Variants in PARP1 observed in about 807,000 individuals in gnomAD.
PARP1 encodes the protein poly [ADP-ribose] polymerase 1.
A neutral mutation model predicts 118.7 loss-of-function variants in PARP1; 44 were observed. The ratio of observed to expected loss-of-function variants is 0.37; its 90% confidence interval spans 0.29 to 0.48. PARP1 has a LOEUF of 0.48. Among genes scored for constraint, PARP1 ranks in the 20% least tolerant of loss-of-function variants. The pLI is 0.99. For missense variants in PARP1, 1,100 were observed against 1,272.4 expected (o/e 0.86, Z 2.06); for synonymous variants, 492 against 483.2 (o/e 1.02, Z -0.24).
intron 2 of PARP1, among the ~76,000 whole-genome samples, chr1:226,396,361 T>G (rs1358802673): frequency 7.3e-6 from 1 of 136,466 alleles, no homozygotes; most frequent in African/African-American, 2.8e-5. Context: ...AATTTTTTTT[T>G]AAAAAAAGAA....
intron 17 of PARP1, chr1:226,366,393 G>A: frequency 2.9e-6 from 1 of 348,288 alleles, no homozygotes; most frequent in Admixed American, 4.0e-5. Flanking sequence ...TCCTGGAAGA[G>A]AGTCCAGCTC....
At chr1:226,366,837 A>G (rs3219130) in intron 17 of PARP1, 1 of 163,334 alleles carries the variant, frequency 6.1e-6, no homozygotes, top group Non-Finnish European at 1.3e-5. Flanking sequence ...CAGACTCAAC[A>G]TACTCTCGCC....
intron 3 of PARP1, 90 bp downstream of exon 3, chr1:226,392,107 AAG>A: frequency 1.1e-6 from 1 of 891,628 alleles, no homozygotes; most frequent in Non-Finnish European, 1.9e-6. Flanking sequence ...TAGCACCCTA[AAG>A]CCCCCATTTC....
chr1:226,406,395 G>A (rs748823731), intron 1 of PARP1, among the ~76,000 whole-genome samples: 1 of 152,210 alleles, frequency 6.6e-6, no homozygotes, highest in African/African-American at 2.4e-5. Context: ...TATATTCAAA[G>A]TAAGTTCTAG....
At position 226,374,232 on chromosome 1, in the gene PARP1, C is replaced by T. The variant is rs1410857050; in HGVS notation, c.2064G>A (p.Glu688=). 6.2e-7 allele frequency: 1 copy of T among 1,614,134 alleles called. No homozygotes were observed. Among genetic ancestry groups the T allele is most frequent in the Non-Finnish European group, 8.5e-7 (1 of 1,180,038 alleles). The change falls in exon 14 of 23, where the codon GAG becomes GAA. Residue 688 remains glutamate, a synonymous_variant. Transcript: ENST00000366794. ...AATGATAAAGCGCAATAACCTCATA[C>T]TCCACCATGGCTTTCTTCATACTTT... ...DVESMKKAMV[E]YEIDLQKMPL...
At chr1:226,370,842 G>C (rs940194689) in intron 14 of PARP1, 2 of 358,906 alleles carry the variant, frequency 5.6e-6, no homozygotes, top group South Asian at 2.7e-5. Flanking sequence ...CTGATGTGCA[G>C]ATGAGGGCTC....
chr1:226,402,164 G>A (rs1558243825), intron 2 of PARP1, 50 bp downstream of exon 2: 1 of 1,614,146 alleles, frequency 6.2e-7, no homozygotes, highest in East Asian at 2.2e-5. Flanking sequence ...GCCCTCCTGG[G>A]AGCTTCAGGG....
chr1:226,381,239 G>C, intron 8 of PARP1, 31 bp from the exon 9 acceptor site: 1 of 1,614,066 alleles, frequency 6.2e-7, no homozygotes, highest in Non-Finnish European at 8.5e-7. Context: ...CATTCAGCAA[G>C]GCCAGCTCTG....
intron 8 of PARP1, among the ~76,000 whole-genome samples, 166 bp downstream of exon 8, chr1:226,382,870 G>A (rs1664645060): frequency 1.3e-5 from 2 of 152,372 alleles, no homozygotes; most frequent in Admixed American, 6.5e-5. Flanking sequence ...GGTGTAACAA[G>A]CCAAGAGAAG....
At chr1:226,394,790 AAGAC>A (rs2102743330) in intron 2 of PARP1, among the ~76,000 whole-genome samples, 1 of 152,250 alleles carries the variant, frequency 6.6e-6, no homozygotes, top group African/African-American at 2.4e-5. Flanking sequence ...AAAAGAAAAA[AAGAC>A]AGACTGGATT....
rs557403168 is a variant in PARP1 at position 226,392,709 on chromosome 1, A to C, written c.287-395T>G. On this transcript the variant is annotated intron_variant, in intron 2 of 22. Coordinates refer to ENST00000366794, the MANE Select transcript of PARP1 (RefSeq NM_001618.4). The stretch of plus-strand genomic sequence containing the variant: ...TTTCCATTATACTTCTATTTACCAA[A>C]GTGTTGAATTAAAGGAAATATTTTG... 5 of 548,100 alleles carry C rather than the reference A, an allele frequency of 9.1e-6. No homozygotes were observed. In the South Asian group the frequency reaches 1.3e-4, roughly 14 times the overall value. 34.0% of individuals were successfully genotyped at this position (548,100 alleles called of 1,614,324 possible).
At position 226,382,919 on chromosome 1, in the gene PARP1, G is replaced by T; in HGVS notation, c.1159+117C>A. 2.6e-6 allele frequency: 3 copies of T among 1,168,492 alleles called. No homozygotes were observed. The Admixed American group carries it at 5.3e-5, about 21-fold the overall frequency. The allele number at this position is 1,168,492 out of a possible 1,614,324, so 72.4% of individuals were successfully genotyped here. ...GCAGGGCAAGGCTTCCCCATGGTGGGGTCAGCAAAGAGAGACCCTTGACGG... is the reference window on the plus strand; with the variant it reads ...GCAGGGCAAGGCTTCCCCATGGTGGTGTCAGCAAAGAGAGACCCTTGACGG... On this transcript the variant is annotated intron_variant, in intron 8 of 22. Coordinates refer to ENST00000366794, the MANE Select transcript of PARP1 (RefSeq NM_001618.4).
intron 19 of PARP1, chr1:226,364,499 C>T (rs1398664553): frequency 3.0e-6 from 1 of 328,486 alleles, no homozygotes; most frequent in Non-Finnish European, 6.0e-6. Context: ...CACTACTGCA[C>T]AGCCCCAGAG....
intron 21 of PARP1, among the ~76,000 whole-genome samples, chr1:226,362,836 G>A (rs1664176053): frequency 6.8e-6 from 1 of 146,776 alleles, no homozygotes; most frequent in African/African-American, 2.5e-5. Context: ...TGAACCTCCT[G>A]CTATAGAGCT....
intron 18 of PARP1, among the ~76,000 whole-genome samples, 161 bp downstream of exon 18, chr1:226,365,790 AAAC>A (rs200302262): frequency 1.7e-4 from 6 of 35,374 alleles, no homozygotes; most frequent in African/African-American, 6.5e-4. Context: ...AAAAACAAAC[AAAC>A]AAAAAAAAAA....
At chr1:226,361,667 G>T in intron 22 of PARP1, 126 bp from the exon 23 acceptor site, 1 of 763,510 alleles carries the variant, frequency 1.3e-6, no homozygotes, top group South Asian at 1.4e-5. Context: ...CTCTTCATGG[G>T]GCTGGGTTGC....
chr1:226,391,453 AG>A (rs1413510502), intron 3 of PARP1, among the ~76,000 whole-genome samples: 1 of 152,168 alleles, frequency 6.6e-6, no homozygotes, highest in Non-Finnish European at 1.5e-5. Flanking sequence ...ATGCAGCAGG[AG>A]GGGTTCCTGG....
chr1:226,380,274 A>G (rs1558237384), intron 9 of PARP1, 110 bp from the exon 10 acceptor site: 5 of 1,083,956 alleles, frequency 4.6e-6, no homozygotes, highest in Middle Eastern at 5.7e-4. Context: ...CAGCATTCAC[A>G]GCTCTCCTTT....
chr1:226,398,192 C>G (rs184813146), intron 2 of PARP1, among the ~76,000 whole-genome samples: 18 of 152,280 alleles, frequency 1.2e-4, no homozygotes, highest in Non-Finnish European at 1.2e-4. Flanking sequence ...AACTTCTGCT[C>G]TGCGGAAGAC....
Sources: gnomAD v4.1 joint callset for allele counts (sites outside exome capture counted in the v4.1 genomes callset) on GRCh38, gnomAD v4.1.1 for gene constraint, MANE v1.5 for transcripts, NCBI Gene and HGNC (gene_info 2026-07-23, HGNC 2026-07-21) for gene names.